The following CNOT7 variants were observed in gnomAD, a reference collection of about 807,000 sequenced individuals.
CNOT7 encodes the protein BTG1-binding factor 1.
Under a neutral mutation model 37.1 loss-of-function variants are expected in CNOT7, and 4 were observed. That is an observed-to-expected ratio of 0.11 (90% confidence interval 0.05 to 0.25). The LOEUF (loss-of-function observed/expected upper bound fraction) is 0.25. Ranked by LOEUF, CNOT7 falls within the 10% of genes least tolerant of loss-of-function variation. The pLI, the probability that CNOT7 is intolerant of heterozygous loss-of-function variation, is 1.00. For missense variants in CNOT7, 170 were observed against 336.2 expected, an observed-to-expected ratio of 0.51 and a Z score of 3.87; for synonymous variants, 128 against 115.6, an observed-to-expected ratio of 1.11 and a Z score of -0.69.
At position 17,225,150 on chromosome 8, in the gene CNOT7, G is replaced by A. The variant is rs1269516852; in HGVS notation, c.*5570C>T. ...AAGATGTAAAATATTAAGTCCCCTT[G>A]GGGTCTTGCAAACTTGTATTTCCTA... is the stretch of plus-strand genomic sequence containing the variant. On this transcript the variant is annotated 3_prime_UTR_variant, in exon 7 of 7. Coordinates refer to ENST00000361272, the MANE Select transcript of CNOT7 (RefSeq NM_013354.7). The A allele has an allele frequency of 6.6e-6, 1 of 151,612 alleles. No homozygotes were observed. The highest frequency in any genetic ancestry group is 1.5e-5 in the Non-Finnish European group (1 of 67,662). 9.4% of individuals were successfully genotyped at this position (151,612 alleles called of 1,614,324 possible). A position where few individuals can be genotyped will look rare whatever the true frequency, so the allele number is the denominator to read the frequency against.
intron 5 of CNOT7, 169 bp downstream of exon 5, chr8:17,234,547 C>A: frequency 3.0e-6 from 2 of 669,330 alleles, no homozygotes; most frequent in Non-Finnish European, 2.5e-6. Context: ...AAAAAGGATT[C>A]CCTACAAATT....
At chr8:17,244,166 G>A (rs1002454714) in intron 2 of CNOT7, among the ~76,000 whole-genome samples, 5 of 152,156 alleles carry the variant, frequency 3.3e-5, no homozygotes, top group Non-Finnish European at 5.9e-5. Context: ...ATAATCCAGT[G>A]GATGTAGAAA....
chr8:17,231,662 C>T (rs1808631554), intron 6 of CNOT7: 2 of 985,176 alleles, frequency 2.0e-6, no homozygotes, highest in Non-Finnish European at 2.4e-6. Flanking sequence ...CAAGAAAAAC[C>T]TCACTTGTTT....
chr8:17,241,405 T>C (rs998820309), intron 3 of CNOT7: 5 of 150,526 alleles, frequency 3.3e-5, no homozygotes, highest in Non-Finnish European at 5.9e-5. Context: ...AAGAGTGAAA[T>C]GGAGAGTCAG....
rs2150970915 is a variant in CNOT7, at chr8:17,232,335, T to C, written c.729+92A>G. Reference sequence around the variant, plus strand: ...TATCTCTAATTATATCTTTACTTAGTAGGTACTTGTTGCCCAAAATCTTTG... The same window carrying C: ...TATCTCTAATTATATCTTTACTTAGCAGGTACTTGTTGCCCAAAATCTTTG... On this transcript the variant is annotated intron_variant, in intron 6 of 6. Transcript: ENST00000361272. 1.9e-6 allele frequency: 3 copies of C among 1,602,318 alleles called. No individual in the cohort carries two copies. The South Asian group carries it at 3.3e-5, about 18-fold the overall frequency.
At chr8:17,234,967 C>A in intron 4 of CNOT7, 107 bp from the exon 5 acceptor site, 1 of 878,580 alleles carries the variant, frequency 1.1e-6, no homozygotes, top group Non-Finnish European at 1.7e-6. Flanking sequence ...TAGAGCCCTC[C>A]CAAAAACATT....
rs529032498 is a variant in CNOT7 at position 17,239,667 on chromosome 8, G to C, written c.312-2294C>G. On this transcript the variant is annotated intron_variant, in intron 3 of 6. Transcript: ENST00000361272. ...CCACCACACCCAGCTAATTTTTTTT[G>C]TATTTTTAGTAGATACAGGGTTTCA... Among the ~76,000 whole-genome samples, 201 of 151,958 alleles carry C rather than the reference G, an allele frequency of 1.3e-3. 1 individual carries two copies. The highest frequency in any genetic ancestry group is 4.5e-3 in the African/African-American group (185 of 41,462).
At chr8:17,233,386 A>T (rs566222579) in intron 5 of CNOT7, among the ~76,000 whole-genome samples, 2 of 152,348 alleles carry the variant, frequency 1.3e-5, no homozygotes, top group East Asian at 3.9e-4. Flanking sequence ...TATCGTTAGC[A>T]GCTGCTTAGG....
rs544394843 is a variant in CNOT7, at chr8:17,226,189, T to C, written c.*4531A>G. On this transcript the variant is annotated 3_prime_UTR_variant, in exon 7 of 7. Coordinates refer to ENST00000361272, the MANE Select transcript of CNOT7 (RefSeq NM_013354.7). ...AAAACTCAAAATATTGAGTACAATTTTTTTTTCTTTTTTTAGTAATAGAGT... is the reference window on the plus strand; with the variant it reads ...AAAACTCAAAATATTGAGTACAATTCTTTTTTCTTTTTTTAGTAATAGAGT... 6.6e-6 allele frequency: 1 copy of C among 151,586 alleles called. No individual in the cohort carries two copies. Among genetic ancestry groups the C allele is most frequent in the South Asian group, 2.1e-4 (1 of 4,822 alleles). 9.4% of individuals were successfully genotyped at this position (151,586 alleles called of 1,614,324 possible). A position where few individuals can be genotyped will look rare whatever the true frequency, so the allele number is the denominator to read the frequency against.
At chr8:17,231,578 A>C (rs1808615993) in intron 6 of CNOT7, 10 of 985,224 alleles carry the variant, frequency 1.0e-5, no homozygotes, top group Non-Finnish European at 1.2e-5. Flanking sequence ...TTAAATTCTC[A>C]GTCTCAATTT....
intron 4 of CNOT7, 57 bp downstream of exon 4, chr8:17,237,155 G>A (rs991264239): frequency 1.5e-5 from 23 of 1,537,352 alleles, no homozygotes; most frequent in Non-Finnish European, 1.9e-5. Context: ...ACCCAAGTAA[G>A]TGTGGAGCAA....
intron 5 of CNOT7, among the ~76,000 whole-genome samples, chr8:17,234,323 C>T (rs1809043991): frequency 1.3e-5 from 2 of 152,194 alleles, no homozygotes; most frequent in South Asian, 2.1e-4. Context: ...ATCTGCATAT[C>T]GCTGGCCACC....
At chr8:17,244,036 A>G (rs149880927) in intron 2 of CNOT7, among the ~76,000 whole-genome samples, 113 of 152,360 alleles carry the variant, frequency 7.4e-4, no homozygotes, top group African/African-American at 2.6e-3. Flanking sequence ...ATGAAATAGT[A>G]AAGAAATCAA....
intron 1 of CNOT7, among the ~76,000 whole-genome samples, chr8:17,245,491 A>G (rs895299737): frequency 6.6e-6 from 1 of 152,192 alleles, no homozygotes; most frequent in Non-Finnish European, 1.5e-5. Context: ...ATACATACTA[A>G]TCATATTTTA....
chr8:17,241,512 A>G (rs767094058), intron 3 of CNOT7: 1 of 152,184 alleles, frequency 6.6e-6, no homozygotes. Context: ...TGTATACTAA[A>G]TATCTTTGTT....
Position 17,228,852 on chromosome 8 carries a change from C to T in CNOT7, c.*1868G>A, listed in dbSNP as rs1190446136. On this transcript the variant is annotated 3_prime_UTR_variant, in exon 7 of 7. Transcript: ENST00000361272. ...GTTTTCTCAGCTAACAAATCACAAG[C>T]GAAAAGAAGCTTCACTTCCTTTTTA... The T allele has an allele frequency of 6.6e-6, 1 of 151,868 alleles. No individual in the cohort carries two copies. Among genetic ancestry groups the T allele is most frequent in the African/African-American group, 2.4e-5 (1 of 41,396 alleles). 9.4% of individuals were successfully genotyped at this position (151,868 alleles called of 1,614,324 possible).
chr8:17,238,355 C>T (rs1036386034), intron 3 of CNOT7, among the ~76,000 whole-genome samples: 4 of 137,062 alleles, frequency 2.9e-5, no homozygotes, highest in South Asian at 2.3e-4. Context: ...TATGGTTAGT[C>T]CTTTAGAAAT....
chr8:17,233,465 C>T (rs988857207), intron 5 of CNOT7, among the ~76,000 whole-genome samples: 1 of 152,156 alleles, frequency 6.6e-6, no homozygotes, highest in Non-Finnish European at 1.5e-5. Context: ...TGTCGTTAAC[C>T]TGAATTTTAA....
rs762273429 is a variant in CNOT7, at chr8:17,243,180, G to T, written c.123C>A (p.Thr41=). The T allele has an allele frequency of 1.9e-6, 3 of 1,589,232 alleles. No homozygotes were observed. The highest frequency in any genetic ancestry group is 1.4e-5 in the African/African-American group (1 of 73,496). ...GTCTTGCAACCACACCTGGAAACTCGGTGTCCTGTAAAATAGTTTTAAGAT... is the reference window on the plus strand; with the variant it reads ...GTCTTGCAACCACACCTGGAAACTCTGTGTCCTGTAAAATAGTTTTAAGAT... ...IRKYNYVAMD[T]EFPGVVARPI... is the part of the protein sequence containing the mutation. Residue 41 remains threonine (T), a synonymous_variant, in exon 3 of 7, where the codon ACC becomes ACA. Transcript: ENST00000361272.
Sources: gnomAD v4.1 joint callset for allele counts (sites outside exome capture counted in the v4.1 genomes callset) on GRCh38, gnomAD v4.1.1 for gene constraint, MANE v1.5 for transcripts, NCBI Gene and HGNC (gene_info 2026-07-23, HGNC 2026-07-21) for gene names.